The following GCC2 variants were observed in gnomAD, a reference collection of about 807,000 sequenced individuals.
The protein encoded by GCC2 is GRIP and coiled-coil domain containing 2, also known as GRIP and coiled-coil domain-containing protein 2.
In GCC2, 120 loss-of-function variants were observed where a neutral mutation model predicts 210.6. That is an observed-to-expected ratio of 0.57 (90% confidence interval 0.49 to 0.66). The LOEUF (loss-of-function observed/expected upper bound fraction) is 0.66, where lower values mean the gene tolerates loss of function less well. Ranked by LOEUF, GCC2 falls within the 30% of genes least tolerant of loss-of-function variation. The pLI, the probability that GCC2 is intolerant of heterozygous loss-of-function variation, is 0.00. For synonymous variants in GCC2, 703 were observed against 652.7 expected, an observed-to-expected ratio of 1.08 and a Z score of -1.17; for missense variants, 1,868 against 1,871.9, an observed-to-expected ratio of 1.00 and a Z score of 0.04.
rs747433973 is a variant in GCC2 at position 108,492,736 on chromosome 2, C to A, written c.4393C>A (p.Leu1465Ile). ...GACAGTGGAGACATTACAGCAGCAG[C>A]TCTCCAAGATGGAAGCACAGCTCTT... Reference protein sequence around the residue: ...RKTVETLQQQLSKMEAQLFQL... With the variant: ...RKTVETLQQQISKMEAQLFQL... The change falls in exon 19 of 23, where the codon CTC (leucine) becomes ATC (isoleucine). Residue 1465 changes from leucine (L) to isoleucine (I), a missense_variant. Physicochemically the swap from Leu to Ile is conservative, Grantham distance 5. Transcript: ENST00000309863. 85 of 1,613,844 alleles carry A rather than the reference C, an allele frequency of 5.3e-5. No homozygotes were observed. The highest frequency in any genetic ancestry group is 2.7e-4 in the South Asian group (25 of 91,066).
chr2:108,458,956 A>AT (rs1245615130), intron 4 of GCC2, among the ~76,000 whole-genome samples: 1 of 151,926 alleles, frequency 6.6e-6, no homozygotes, highest in Non-Finnish European at 1.5e-5. Context: ...CCTTCTGCTA[A>AT]TTTTGGGTTT....
At chr2:108,475,903 T>TA (rs1681491245) in intron 9 of GCC2, 53 bp downstream of exon 9, 1 of 935,068 alleles carries the variant, frequency 1.1e-6, no homozygotes, top group Non-Finnish European at 1.7e-6. Flanking sequence ...TAATAACTTC[T>TA]AAGTTAAGAA....
At chr2:108,504,389 A>G (rs144412513) in intron 22 of GCC2, among the ~76,000 whole-genome samples, 22 of 152,296 alleles carry the variant, frequency 1.4e-4, no homozygotes, top group African/African-American at 4.8e-4. Flanking sequence ...AGCAACATCA[A>G]AGTCCTTATA....
At position 108,449,296 on chromosome 2, in the gene GCC2, C is replaced by T. The variant is rs1270333123; in HGVS notation, c.6+16C>T. 11 of 1,548,416 alleles carry T rather than the reference C, an allele frequency of 7.1e-6. No homozygotes were observed. The Middle Eastern group carries it at 5.1e-4, about 71-fold the overall frequency. ...GGAGATGGAGGTAACTCAGGTCGGG[C>T]CCACTGCCTCCCATCAAGCCTTCCG... On this transcript the variant is annotated intron_variant, in intron 1 of 22. Coordinates refer to ENST00000309863, the MANE Select transcript of GCC2 (RefSeq NM_181453.4).
At position 108,454,997 on chromosome 2, in the gene GCC2, C is replaced by T. The variant is rs370514759; in HGVS notation, c.216+2531C>T. 2.1e-3 allele frequency among the ~76,000 whole-genome samples: 320 copies of T among 151,988 alleles called. 3 individuals carry two copies. The highest frequency in any genetic ancestry group is 7.4e-3 in the African/African-American group (305 of 41,450). ...AACCTCTATAGAGTGTTAGAAAACA[C>T]TCTAGAAAGTTTTTTATCCATTAAC... is the stretch of plus-strand genomic sequence containing the variant. On this transcript the variant is annotated intron_variant, in intron 4 of 22. Transcript: ENST00000309863.
rs1224741919 is a variant in GCC2, at chr2:108,471,973, G to C, written c.2644G>C (p.Val882Leu). 6.2e-7 allele frequency: 1 copy of C among 1,603,902 alleles called. No individual in the cohort carries two copies. Among genetic ancestry groups the C allele is most frequent in the Admixed American group, 1.7e-5 (1 of 57,496 alleles). Residue 882 changes from valine to leucine, a missense_variant, in exon 6 of 23, where the codon GTT becomes CTT. By Grantham distance (32) the Val-to-Leu change is conservative (BLOSUM62 1). Transcript: ENST00000309863. ...TGAAAATCAGAATCTTTTAATTCAA[G>C]TTGAAGAAGTATCTCAAACATGTAG... The part of the protein sequence containing the change: ...RLENQNLLIQ[V>L]EEVSQTCSKS...
intron 4 of GCC2, among the ~76,000 whole-genome samples, chr2:108,453,084 GTACAGTATATAATCTATAGA>G: frequency 6.6e-6 from 1 of 152,298 alleles, no homozygotes. Flanking sequence ...GATTTTAGGT[GTACAGTATATAATCTATAGA>G]TAGATCCATA....
intron 19 of GCC2, chr2:108,493,847 C>T (rs1285972583): frequency 1.0e-6 from 1 of 985,226 alleles, no homozygotes. Context: ...TAGCAATCAG[C>T]AGTGGAATAA....
chr2:108,476,574 A>G, intron 9 of GCC2, among the ~76,000 whole-genome samples: 1 of 152,336 alleles, frequency 6.6e-6, no homozygotes, highest in South Asian at 2.1e-4. Flanking sequence ...TATTAAAAAG[A>G]TAAGAATTAA....
intron 13 of GCC2, 61 bp downstream of exon 13, chr2:108,484,372 G>A: frequency 2.1e-6 from 2 of 937,220 alleles, no homozygotes; most frequent in Non-Finnish European, 3.1e-6. Context: ...TTGATTTGGT[G>A]GGGGGCATTA....
intron 22 of GCC2, among the ~76,000 whole-genome samples, chr2:108,501,709 C>T (rs1192781696): frequency 6.6e-6 from 1 of 152,122 alleles, no homozygotes; most frequent in Non-Finnish European, 1.5e-5. Context: ...CAATTTCTGA[C>T]CCAAGACTCT....
chr2:108,467,140 C>T (rs1680939823), intron 4 of GCC2, among the ~76,000 whole-genome samples: 1 of 152,066 alleles, frequency 6.6e-6, no homozygotes, highest in South Asian at 2.1e-4. Flanking sequence ...AGAATTTTGT[C>T]ATATTCCATG....
At chr2:108,476,095 C>G (rs995107606) in intron 9 of GCC2, among the ~76,000 whole-genome samples, 18 of 119,280 alleles carry the variant, frequency 1.5e-4, no homozygotes, top group African/African-American at 5.6e-4. Context: ...AAGTCTCTCT[C>G]TCTCGCCCAG....
intron 22 of GCC2, among the ~76,000 whole-genome samples, chr2:108,506,880 G>T (rs1226129761): frequency 1.3e-5 from 2 of 152,126 alleles, no homozygotes; most frequent in African/African-American, 4.8e-5. Context: ...AATAGAAGAA[G>T]AATTTCTTAT....
rs1683329765 is a variant in GCC2 at position 108,508,670 on chromosome 2, T to C, written c.*1040T>C. The C allele has an allele frequency of 6.6e-6, 1 of 152,364 alleles. No individual in the cohort carries two copies. The highest frequency in any genetic ancestry group is 1.5e-5 in the Non-Finnish European group (1 of 67,994). The allele number at this position is 152,364 out of a possible 1,614,324, so 9.4% of individuals were successfully genotyped here. A position where few individuals can be genotyped will look rare whatever the true frequency, so the allele number is the denominator to read the frequency against. ...CAGATAGTGTTCCATAAGCTTTCCA[T>C]CAGAAGGGATTTTAGACACCTTAGA... is the stretch of plus-strand genomic sequence containing the variant. On this transcript the variant is annotated 3_prime_UTR_variant, in exon 23 of 23. Coordinates refer to ENST00000309863, the MANE Select transcript of GCC2 (RefSeq NM_181453.4).
intron 4 of GCC2, among the ~76,000 whole-genome samples, chr2:108,463,813 C>G (rs1680727530): frequency 6.6e-6 from 1 of 152,258 alleles, no homozygotes; most frequent in East Asian, 1.9e-4. Context: ...AACTGATCAG[C>G]ATTGGTTTTG....
At chr2:108,493,278 C>T (rs763332827) in intron 19 of GCC2, 48 of 489,188 alleles carry the variant, frequency 9.8e-5, no homozygotes, top group Non-Finnish European at 1.3e-4. Flanking sequence ...TTAGTAGAGA[C>T]GCAGTTTCAC....
chr2:108,458,242 T>G (rs1409727235), intron 4 of GCC2, among the ~76,000 whole-genome samples: 2 of 149,402 alleles, frequency 1.3e-5, no homozygotes, highest in Non-Finnish European at 3.0e-5. Flanking sequence ...TATTGAACCA[T>G]CCTTGCATCC....
At chr2:108,451,841 C>CTTTTT (rs367697586) in intron 3 of GCC2, among the ~76,000 whole-genome samples, 2 of 124,944 alleles carry the variant, frequency 1.6e-5, no homozygotes, top group Admixed American at 8.8e-5. Context: ...CTCTCTCTCT[C>CTTTTT]TTTTTTTTTT....
Sources: gnomAD v4.1 joint callset for allele counts (sites outside exome capture counted in the v4.1 genomes callset) on GRCh38, gnomAD v4.1.1 for gene constraint, MANE v1.5 for transcripts, NCBI Gene and HGNC (gene_info 2026-07-23, HGNC 2026-07-21) for gene names.